KIAA1958: variants seen among roughly 807,000 people sequenced by gnomAD.
The protein encoded by KIAA1958 is uncharacterized protein KIAA1958.
A neutral mutation model predicts 47.2 loss-of-function variants in KIAA1958; 14 were observed. That is an observed-to-expected ratio of 0.30 (90% CI 0.20 to 0.46). The LOEUF (loss-of-function observed/expected upper bound fraction) is 0.46. Ranked by LOEUF, KIAA1958 falls within the 20% of genes least tolerant of loss-of-function variation. The probability of loss-of-function intolerance (pLI) is 1.00; values close to 1 mark genes in which losing one functional copy is unlikely to be tolerated. For missense variants in KIAA1958, 803 were observed against 909.2 expected, an observed-to-expected ratio of 0.88 and a Z score of 1.50; for synonymous variants, 354 against 353.3, an observed-to-expected ratio of 1.00 and a Z score of -0.02.
Position 112,618,206 on chromosome 9 carries a change from A to C in KIAA1958, c.1172-27444A>C. 6.4e-7 allele frequency: 1 copy of C among 1,550,620 alleles called. No individual in the cohort carries two copies. The highest frequency in any genetic ancestry group is 8.7e-7 in the Non-Finnish European group (1 of 1,147,002). The stretch of plus-strand genomic sequence containing the variant: ...CCAAGAGGCCCTGAAGCAGAAGCAA[A>C]TTGAACTCCGCTGTAAAGGAAAAGG... On this transcript the variant is annotated intron_variant, in intron 2 of 3. Transcript: ENST00000337530. The surrounding 1 kb of genome is among the most constrained non-coding windows in gnomAD (Gnocchi z 7.1).
intron 2 of KIAA1958, among the ~76,000 whole-genome samples, chr9:112,608,197 GA>G (rs1331666547): frequency 6.6e-6 from 1 of 152,066 alleles, no homozygotes; most frequent in African/African-American, 2.4e-5. Flanking sequence ...TGACAATGAA[GA>G]AATGTCTAAT....
At chr9:112,493,241 A>C (rs951088596) in intron 1 of KIAA1958, among the ~76,000 whole-genome samples, 2 of 151,684 alleles carry the variant, frequency 1.3e-5, no homozygotes, top group South Asian at 4.2e-4. Context: ...CGCATGTCTG[A>C]TGATTCCTGA....
chr9:112,558,371 A>G (rs886440343), intron 1 of KIAA1958, among the ~76,000 whole-genome samples: 1 of 152,226 alleles, frequency 6.6e-6, no homozygotes, highest in African/African-American at 2.4e-5. Context: ...TTGAGTCAGA[A>G]TATACATTCT....
chr9:112,596,366 A>G (rs912363492), intron 2 of KIAA1958, among the ~76,000 whole-genome samples: 1 of 152,170 alleles, frequency 6.6e-6, no homozygotes, highest in African/African-American at 2.4e-5. Context: ...AGGATATATT[A>G]TTAAGATTTA....
chr9:112,660,669 T>C lies in KIAA1958; in HGVS notation c.*600T>C, dbSNP rs951486913. The stretch of plus-strand genomic sequence containing the variant: ...GTCATCTGACAAGGACTTGGGCTGC[T>C]CCCACGGCTCCCAGCAGCGGTAGGA... On this transcript the variant is annotated 3_prime_UTR_variant, in exon 4 of 4. Transcript: ENST00000337530. The C allele has an allele frequency of 6.5e-6, 1 of 153,012 alleles. No individual in the cohort carries two copies. Among genetic ancestry groups the C allele is most frequent in the Non-Finnish European group, 1.5e-5 (1 of 68,704 alleles). 9.5% of individuals were successfully genotyped at this position (153,012 alleles called of 1,614,324 possible).
intron 1 of KIAA1958, among the ~76,000 whole-genome samples, chr9:112,540,340 G>A (rs909679615): frequency 2.6e-5 from 4 of 152,140 alleles, no homozygotes; most frequent in African/African-American, 9.7e-5. Context: ...GATTCAACAA[G>A]ACAGCATGTA....
Position 112,661,586 on chromosome 9 carries a change from A to G in KIAA1958, c.*1517A>G, listed in dbSNP as rs1184187748. 6.6e-6 allele frequency: 1 copy of G among 152,222 alleles called. No individual in the cohort carries two copies. Among genetic ancestry groups the G allele is most frequent in the Admixed American group, 6.5e-5 (1 of 15,286 alleles). The allele number at this position is 152,222 out of a possible 1,614,324, so 9.4% of individuals were successfully genotyped here. On this transcript the variant is annotated 3_prime_UTR_variant, in exon 4 of 4. Coordinates refer to ENST00000337530, the MANE Select transcript of KIAA1958 (RefSeq NM_133465.4). ...TTATTTTAATTAATTGGTTTCTTAA[A>G]AAATCATACACTAGTCATTGACATA...
intron 1 of KIAA1958, among the ~76,000 whole-genome samples, chr9:112,489,851 TATC>T (rs1253361068): frequency 6.6e-6 from 1 of 152,270 alleles, no homozygotes; most frequent in Admixed American, 6.5e-5. Flanking sequence ...ATCAATGTAG[TATC>T]ATTACAAGAA....
chr9:112,581,213 C>T (rs760956201), intron 2 of KIAA1958, among the ~76,000 whole-genome samples: 6 of 152,102 alleles, frequency 3.9e-5, no homozygotes, highest in Non-Finnish European at 5.9e-5. Context: ...ATAATGTCTG[C>T]CTGTCAGGGT....
At chr9:112,509,531 A>T (rs1210566709) in intron 1 of KIAA1958, among the ~76,000 whole-genome samples, 2 of 152,224 alleles carry the variant, frequency 1.3e-5, no homozygotes, top group Non-Finnish European at 2.9e-5. Context: ...CCTGCAGGTT[A>T]AGTCAGGAGC....
intron 1 of KIAA1958, among the ~76,000 whole-genome samples, chr9:112,543,109 T>C (rs1481882225): frequency 1.3e-5 from 2 of 152,204 alleles, no homozygotes; most frequent in African/African-American, 4.8e-5. Context: ...TCAAGCATTC[T>C]TCATGACCTG....
At chr9:112,553,236 A>G (rs1273053098) in intron 1 of KIAA1958, among the ~76,000 whole-genome samples, 1 of 148,932 alleles carries the variant, frequency 6.7e-6, no homozygotes, top group Non-Finnish European at 1.5e-5. Context: ...CCCAGGCCAG[A>G]GTGCAGTGGT....
At chr9:112,604,266 T>A (rs931269115) in intron 2 of KIAA1958, among the ~76,000 whole-genome samples, 4 of 152,178 alleles carry the variant, frequency 2.6e-5, no homozygotes, top group Non-Finnish European at 5.9e-5. Context: ...AGAAAAGCTG[T>A]CTGGATAAAA....
chr9:112,605,534 A>G (rs1182275212), intron 2 of KIAA1958, among the ~76,000 whole-genome samples: 2 of 152,200 alleles, frequency 1.3e-5, no homozygotes, highest in African/African-American at 4.8e-5. Context: ...TATGGGAGAA[A>G]ATGGGTAGGT....
intron 2 of KIAA1958, among the ~76,000 whole-genome samples, chr9:112,590,920 G>T (rs1835909348): frequency 2.0e-5 from 3 of 152,154 alleles, no homozygotes. Flanking sequence ...CTGACATCCA[G>T]CTTCTCTAGG....
At chr9:112,573,268 C>T (rs1046727256) in intron 1 of KIAA1958, among the ~76,000 whole-genome samples, 2 of 152,198 alleles carry the variant, frequency 1.3e-5, no homozygotes, top group Non-Finnish European at 2.9e-5. Flanking sequence ...AAACACCAGA[C>T]ATACTTTGTA....
Position 112,667,175 on chromosome 9 carries a change from G to A in KIAA1958, c.*7106G>A, listed in dbSNP as rs926066525. 1 of 152,110 alleles carries A rather than the reference G, an allele frequency of 6.6e-6. No individual in the cohort carries two copies. The highest frequency in any genetic ancestry group is 1.5e-5 in the Non-Finnish European group (1 of 68,042). The allele number at this position is 152,110 out of a possible 1,614,324, so 9.4% of individuals were successfully genotyped here. ...TGTTCATCACCTTACCATTGACCTG[G>A]GATTTAACTGAAAAAGGGATTCAAC... is the stretch of plus-strand genomic sequence containing the variant. On this transcript the variant is annotated 3_prime_UTR_variant, in exon 4 of 4. Transcript: ENST00000337530.
intron 1 of KIAA1958, among the ~76,000 whole-genome samples, chr9:112,543,947 A>G (rs777543617): frequency 1.3e-5 from 2 of 152,164 alleles, no homozygotes; most frequent in Non-Finnish European, 2.9e-5. Flanking sequence ...TTTAATGAAT[A>G]CATATATGAA....
At position 112,608,210 on chromosome 9, in the gene KIAA1958, G is replaced by A. The variant is rs567978503; in HGVS notation, c.1171+32959G>A. On this transcript the variant is annotated intron_variant, in intron 2 of 3. Coordinates refer to ENST00000337530, the MANE Select transcript of KIAA1958 (RefSeq NM_133465.4). Reference sequence around the variant, plus strand: ...CATGACAATGAAGAAATGTCTAATTGTTAAAAGTTGGGAGGGTAGTAAGTG... The same window carrying A: ...CATGACAATGAAGAAATGTCTAATTATTAAAAGTTGGGAGGGTAGTAAGTG... Among the ~76,000 whole-genome samples the A allele has an allele frequency of 9.9e-5, 15 of 152,238 alleles. No homozygotes were observed. In the South Asian group the frequency reaches 3.1e-3, roughly 32 times the overall value.
Sources: gnomAD v4.1 joint callset for allele counts (sites outside exome capture counted in the v4.1 genomes callset) on GRCh38, gnomAD v4.1.1 for gene constraint, Gnocchi (gnomAD v3.1) non-coding constraint, MANE v1.5 for transcripts, NCBI Gene and HGNC (gene_info 2026-07-23, HGNC 2026-07-21) for gene names.